Variants in KLF12 observed in about 807,000 individuals in gnomAD.
KLF12 encodes the protein Krueppel-like factor 12.
In KLF12, 9 loss-of-function variants were observed where a neutral mutation model predicts 37.8. That is an observed-to-expected ratio of 0.24 (90% confidence interval 0.14 to 0.42). KLF12 has a LOEUF of 0.42. Ranked by LOEUF, KLF12 falls within the 10% of genes least tolerant of loss-of-function variation. The probability of loss-of-function intolerance (pLI) is 1.00; values close to 1 mark genes in which losing one functional copy is unlikely to be tolerated. For missense variants in KLF12, 411 were observed against 516.0 expected (o/e 0.80, Z 1.97); for synonymous variants, 208 against 202.1 (o/e 1.03, Z -0.25).
intron 3 of KLF12, among the ~76,000 whole-genome samples, chr13:73,846,713 G>A (rs755392984): frequency 1.2e-4 from 18 of 152,002 alleles, no homozygotes; most frequent in Non-Finnish European, 1.9e-4. Context: ...ATCACAATAC[G>A]GAAACATATT....
At chr13:74,228,045 C>T in the KLF12 span, among the ~76,000 whole-genome samples, 1 of 152,052 alleles carries the variant, frequency 6.6e-6, no homozygotes, top group Non-Finnish European at 1.5e-5. Flanking sequence ...GAAAAGGAGA[C>T]AGATTGCTGT....
the KLF12 span, among the ~76,000 whole-genome samples, chr13:74,215,163 G>A: frequency 6.6e-6 from 1 of 151,704 alleles, no homozygotes; most frequent in Non-Finnish European, 1.5e-5. Context: ...TGGATTTGCC[G>A]CATATTTTAT....
chr13:74,228,197 C>T, the KLF12 span, among the ~76,000 whole-genome samples: 1 of 152,072 alleles, frequency 6.6e-6, no homozygotes, highest in South Asian at 2.1e-4. Context: ...TTATCTTCCT[C>T]TTCTACATTT....
intron 5 of KLF12, among the ~76,000 whole-genome samples, chr13:73,809,020 A>G (rs1882792080): frequency 6.6e-6 from 1 of 152,122 alleles, no homozygotes; most frequent in Non-Finnish European, 1.5e-5. Context: ...TCCTTTTTAG[A>G]CCATGGCTCC....
intron 6 of KLF12, among the ~76,000 whole-genome samples, chr13:73,760,748 C>T (rs995347888): frequency 2.6e-5 from 4 of 152,170 alleles, no homozygotes; most frequent in African/African-American, 9.7e-5. Flanking sequence ...AGGTACACAG[C>T]ACAATCACTA....
At chr13:73,828,252 G>A (rs1594139511) in intron 4 of KLF12, among the ~76,000 whole-genome samples, 1 of 152,056 alleles carries the variant, frequency 6.6e-6, no homozygotes, top group South Asian at 2.1e-4. Flanking sequence ...GGGAACTCAT[G>A]CTTGACAATT....
chr13:74,202,903 G>A, the KLF12 span, among the ~76,000 whole-genome samples: 3 of 152,096 alleles, frequency 2.0e-5, no homozygotes, highest in African/African-American at 7.2e-5. Flanking sequence ...GGAAAGGCTT[G>A]GGTGGGTGCA....
chr13:73,917,978 T>C (rs1206461553), intron 3 of KLF12, among the ~76,000 whole-genome samples: 1 of 152,076 alleles, frequency 6.6e-6, no homozygotes, highest in African/African-American at 2.4e-5. Context: ...ATGCTTAATC[T>C]AGTTAAAAAG....
chr13:74,115,523 G>A (rs1157106841), intron 1 of KLF12, among the ~76,000 whole-genome samples: 1 of 152,048 alleles, frequency 6.6e-6, no homozygotes, highest in South Asian at 2.1e-4. Flanking sequence ...TGGTCAACAG[G>A]GTGAAACCCT....
chr13:74,176,331 C>A, the KLF12 span, among the ~76,000 whole-genome samples: 2 of 152,154 alleles, frequency 1.3e-5, no homozygotes, highest in Admixed American at 6.5e-5. Context: ...CAATTTTCTA[C>A]AAATACATAA....
upstream of KLF12, among the ~76,000 whole-genome samples, chr13:74,135,465 G>A (rs1402535099): frequency 6.6e-5 from 10 of 151,910 alleles, no homozygotes; most frequent in Non-Finnish European, 8.8e-5. Flanking sequence ...CGGATCCGCG[G>A]GATTGTGGGG....
intron 3 of KLF12, among the ~76,000 whole-genome samples, chr13:73,922,150 A>G (rs922446684): frequency 6.6e-6 from 1 of 152,022 alleles, no homozygotes; most frequent in Non-Finnish European, 1.5e-5. Context: ...TTCTATTTAC[A>G]CTGATATTAC....
At chr13:74,033,227 A>G (rs1893160590) in intron 1 of KLF12, among the ~76,000 whole-genome samples, 1 of 152,234 alleles carries the variant, frequency 6.6e-6, no homozygotes, top group Non-Finnish European at 1.5e-5. Flanking sequence ...AAAAGTATAA[A>G]TAAGAAAGTT....
At chr13:74,138,659 C>T (rs1878624787), upstream of KLF12, among the ~76,000 whole-genome samples, 2 of 152,152 alleles carry the variant, frequency 1.3e-5, no homozygotes, top group African/African-American at 4.8e-5. Flanking sequence ...GATGTGTCTT[C>T]TTTTCCACCT....
the KLF12 span, among the ~76,000 whole-genome samples, chr13:74,198,149 A>G: frequency 6.6e-6 from 1 of 152,116 alleles, no homozygotes; most frequent in African/African-American, 2.4e-5. Context: ...AGTAGAGAGA[A>G]AGCAAGAGGA....
chr13:74,056,642 G>T (rs950019095), intron 1 of KLF12, among the ~76,000 whole-genome samples: 5 of 152,100 alleles, frequency 3.3e-5, no homozygotes, highest in Non-Finnish European at 7.4e-5. Context: ...AATAAAAATT[G>T]TGTTACCCAT....
intron 1 of KLF12, among the ~76,000 whole-genome samples, chr13:74,132,498 T>C (rs1878317154): frequency 6.6e-6 from 1 of 152,160 alleles, no homozygotes; most frequent in Admixed American, 6.5e-5. Context: ...AGAATTCCAT[T>C]AGCCAGTGGA....
intron 6 of KLF12, among the ~76,000 whole-genome samples, chr13:73,720,546 C>T (rs374846160): frequency 7.2e-5 from 11 of 152,172 alleles, no homozygotes; most frequent in Admixed American, 2.0e-4. Context: ...CCACTTCTTT[C>T]CCCAGAAGGT....
the KLF12 span, among the ~76,000 whole-genome samples, chr13:74,163,544 A>G: frequency 8.5e-4 from 129 of 152,200 alleles, 1 homozygote; most frequent in African/African-American, 3.1e-3. Flanking sequence ...CAATTGAACT[A>G]GAGAGTAGAA....
Sources: allele counts gnomAD v4.1 joint callset (sites outside exome capture counted in the v4.1 genomes callset), GRCh38; gene constraint gnomAD v4.1.1; transcripts MANE v1.5; gene names NCBI Gene and HGNC (gene_info 2026-07-23, HGNC 2026-07-21).